The following PLXDC2 variants were observed in gnomAD, a reference collection of about 807,000 sequenced individuals.
PLXDC2 encodes plexin domain containing 2.
In PLXDC2, 40 loss-of-function variants were observed where a neutral mutation model predicts 68.9. The ratio of observed to expected loss-of-function variants is 0.58; its 90% CI spans 0.45 to 0.76. The LOEUF is 0.76. PLXDC2 is among the 30% of genes least tolerant of loss of function. The pLI, the probability that PLXDC2 is intolerant of heterozygous loss-of-function variation, is 0.00. For synonymous variants in PLXDC2, 243 were observed against 234.2 expected, an observed-to-expected ratio of 1.04 and a Z score of -0.34; for missense variants, 644 against 661.9, an observed-to-expected ratio of 0.97 and a Z score of 0.30.
chr10:19,827,522 A>G (rs1169785446), intron 1 of PLXDC2, among the ~76,000 whole-genome samples: 1 of 151,970 alleles, frequency 6.6e-6, no homozygotes, highest in African/African-American at 2.4e-5. Flanking sequence ...AATGGCCAGA[A>G]CAAGTACCAC....
intron 4 of PLXDC2, among the ~76,000 whole-genome samples, chr10:20,081,885 A>G (rs1836564950): frequency 6.6e-6 from 1 of 151,844 alleles, no homozygotes. Context: ...CTAGAAAAAA[A>G]TTTTAAAAAA....
At chr10:20,121,582 G>GC (rs1833698273) in intron 4 of PLXDC2, among the ~76,000 whole-genome samples, 3 of 152,212 alleles carry the variant, frequency 2.0e-5, no homozygotes, top group Admixed American at 6.5e-5. Flanking sequence ...GTCAGGGTCA[G>GC]TCTAAGTGAA....
chr10:19,845,013 C>G (rs1021838315), intron 1 of PLXDC2, among the ~76,000 whole-genome samples: 1 of 152,156 alleles, frequency 6.6e-6, no homozygotes, highest in African/African-American at 2.4e-5. Flanking sequence ...TGGTTATTCA[C>G]TTGTTATGTG....
intron 1 of PLXDC2, among the ~76,000 whole-genome samples, chr10:19,891,904 G>T (rs2131360522): frequency 1.3e-5 from 2 of 152,136 alleles, no homozygotes; most frequent in South Asian, 4.1e-4. Flanking sequence ...ATAGGTTAAA[G>T]GATCCTTACT....
intron 12 of PLXDC2, among the ~76,000 whole-genome samples, chr10:20,233,609 T>G (rs1337891049): frequency 6.6e-6 from 1 of 152,140 alleles, no homozygotes; most frequent in Non-Finnish European, 1.5e-5. Context: ...GTCACATGGT[T>G]TCTAAGGAAT....
intron 2 of PLXDC2, among the ~76,000 whole-genome samples, chr10:20,010,466 A>C (rs2131643799): frequency 6.6e-6 from 1 of 152,304 alleles, no homozygotes; most frequent in Non-Finnish European, 1.5e-5. Flanking sequence ...AGTATCATAT[A>C]TCTTGCTCAA....
chr10:20,231,144 C>T (rs189291308), intron 12 of PLXDC2, among the ~76,000 whole-genome samples: 1 of 151,352 alleles, frequency 6.6e-6, no homozygotes, highest in Admixed American at 6.6e-5. Context: ...TAAATATATA[C>T]AATTTTTATT....
At chr10:20,234,762 C>G (rs1835411945) in intron 12 of PLXDC2, among the ~76,000 whole-genome samples, 1 of 150,144 alleles carries the variant, frequency 6.7e-6, no homozygotes, top group Admixed American at 6.7e-5. Context: ...TCCTGGAGAG[C>G]TATAATGCGC....
intron 1 of PLXDC2, among the ~76,000 whole-genome samples, chr10:19,897,231 TTTTTTTTG>T (rs1030655911): frequency 7.4e-6 from 1 of 135,940 alleles, no homozygotes; most frequent in Non-Finnish European, 1.6e-5. Context: ...CCTTCTCTTT[TTTTTTTTG>T]TTTTTTTTTG....
intron 2 of PLXDC2, among the ~76,000 whole-genome samples, chr10:20,002,273 T>G (rs1328817748): frequency 6.6e-6 from 1 of 151,742 alleles, no homozygotes; most frequent in Non-Finnish European, 1.5e-5. Context: ...TTTTTTTTTT[T>G]TTTGAGATGG....
At chr10:20,267,890 T>C (rs147782724) in intron 13 of PLXDC2, among the ~76,000 whole-genome samples, 6 of 152,066 alleles carry the variant, frequency 3.9e-5, no homozygotes, top group African/African-American at 1.4e-4. Flanking sequence ...CTTCCAGAGC[T>C]ATCATCTGGC....
chr10:20,138,408 T>C (rs376651285), intron 4 of PLXDC2, among the ~76,000 whole-genome samples: 2 of 152,188 alleles, frequency 1.3e-5, no homozygotes, highest in East Asian at 3.9e-4. Flanking sequence ...CCTAACTTTC[T>C]GTCTTCTAAT....
chr10:19,863,155 T>C (rs1287723483), intron 1 of PLXDC2, among the ~76,000 whole-genome samples: 1 of 152,228 alleles, frequency 6.6e-6, no homozygotes, highest in Non-Finnish European at 1.5e-5. Flanking sequence ...TTTAATGGCA[T>C]CGGAGAAACT....
chr10:20,193,925 G>T (rs1834802851), intron 9 of PLXDC2, among the ~76,000 whole-genome samples: 1 of 151,824 alleles, frequency 6.6e-6, no homozygotes, highest in South Asian at 2.1e-4. Flanking sequence ...AAGGAAATAG[G>T]GAAGAACACT....
chr10:20,051,921 T>C lies in PLXDC2; in HGVS notation c.471+4906T>C, dbSNP rs1431731119. Among the ~76,000 whole-genome samples, 5 of 152,132 alleles carry C rather than the reference T, an allele frequency of 3.3e-5. No homozygotes were observed. The South Asian group carries it at 1.0e-3, about 32-fold the overall frequency. ...CTCTACTGTTATAGCTCAATAGCCA[T>C]AGACAATATGTAAATGAACAGACAT... On this transcript the variant is annotated intron_variant, in intron 3 of 13. Transcript: ENST00000377252.
At chr10:19,968,378 T>C (rs1204077023) in intron 1 of PLXDC2, among the ~76,000 whole-genome samples, 1 of 152,160 alleles carries the variant, frequency 6.6e-6, no homozygotes, top group African/African-American at 2.4e-5. Context: ...AGTGGCACGA[T>C]CTCCGCTCCC....
rs1167862494 is a variant in PLXDC2, at chr10:20,272,707, A to G, written c.1474-6996A>G. On this transcript the variant is annotated intron_variant, in intron 13 of 13. Coordinates refer to ENST00000377252, the MANE Select transcript of PLXDC2 (RefSeq NM_032812.9). ...ATAAAATTGGCTTGTTATTATCACC[A>G]TGTACTAAAAATTCTAAACTCTGTT... 3.9e-5 allele frequency among the ~76,000 whole-genome samples: 6 copies of G among 152,254 alleles called. No individual in the cohort carries two copies. In the East Asian group the frequency reaches 1.2e-3, roughly 29 times the overall value.
intron 13 of PLXDC2, among the ~76,000 whole-genome samples, chr10:20,263,327 C>A (rs983201889): frequency 3.3e-4 from 50 of 152,072 alleles, no homozygotes; most frequent in African/African-American, 1.2e-3. Flanking sequence ...GAAGCTGGAC[C>A]CTTTCCTTAC....
At chr10:19,842,565 C>T (rs536689539) in intron 1 of PLXDC2, among the ~76,000 whole-genome samples, 17 of 152,302 alleles carry the variant, frequency 1.1e-4, no homozygotes, top group African/African-American at 4.1e-4. Context: ...TATTTTCCCA[C>T]TGGTTTGAGT....
Sources: gnomAD v4.1 joint callset for allele counts (sites outside exome capture counted in the v4.1 genomes callset) on GRCh38, gnomAD v4.1.1 for gene constraint, MANE v1.5 for transcripts, NCBI Gene and HGNC (gene_info 2026-07-23, HGNC 2026-07-21) for gene names.